AHI1: variants seen among roughly 807,000 people sequenced by gnomAD.
AHI1 encodes jouberin.
Under a neutral mutation model 149.3 loss-of-function variants are expected in AHI1, and 123 were observed. The ratio of observed to expected loss-of-function variants is 0.82; its 90% CI spans 0.71 to 0.96. The LOEUF is 0.96. Ranked by LOEUF, AHI1 falls within the 40% of genes least tolerant of loss-of-function variation. AHI1 has a pLI of 0.00. For missense variants in AHI1, 1,439 were observed against 1,422.7 expected (o/e 1.01, Z -0.18); for synonymous variants, 475 against 459.8 (o/e 1.03, Z -0.42).
chr6:135,379,498 T>C (rs1182289152), intron 23 of AHI1, among the ~76,000 whole-genome samples: 1 of 152,230 alleles, frequency 6.6e-6, no homozygotes, highest in Non-Finnish European at 1.5e-5. Context: ...TATGAGGCCT[T>C]ATTGTCTTCT....
In AHI1 at chr6:135,285,661, T is replaced by C. The variant is rs1274005225; in HGVS notation, c.3589-14A>G. The stretch of plus-strand genomic sequence containing the variant: ...TTCAATTCTTTACTGGAAAGAAAAA[T>C]ACACAAAATGTACTAAATAAACTTG... On this transcript the variant is annotated splice_polypyrimidine_tract_variant and intron_variant, in intron 28 of 28. Transcript: ENST00000265602. 3 of 1,599,404 alleles carry C rather than the reference T, an allele frequency of 1.9e-6. No individual in the cohort carries two copies. The highest frequency in any genetic ancestry group is 2.7e-5 in the African/African-American group (2 of 74,752).
chr6:135,391,004 G>A (rs936429130), intron 23 of AHI1, among the ~76,000 whole-genome samples: 11 of 152,140 alleles, frequency 7.2e-5, no homozygotes, highest in African/African-American at 2.4e-4. Flanking sequence ...TGTTAAAATT[G>A]TAATTTTTTT....
intron 23 of AHI1, among the ~76,000 whole-genome samples, chr6:135,363,683 C>CT (rs1272871854): frequency 7.4e-5 from 11 of 149,212 alleles, no homozygotes; most frequent in Admixed American, 1.3e-4. Flanking sequence ...GGGGGCTGAC[C>CT]CCCCCACCTC....
In AHI1 at chr6:135,300,338, AAAG is replaced by A. The variant is rs1406083848; in HGVS notation, c.3485+159_3485+161del. Among the ~76,000 whole-genome samples the A allele has an allele frequency of 0.029, 4,381 of 149,008 alleles. 238 individuals carry two copies. Among genetic ancestry groups the A allele is most frequent in the African/African-American group, 0.1 (3,939 of 38,668 alleles). On this transcript the variant is annotated intron_variant, in intron 27 of 28. Coordinates refer to ENST00000265602, the MANE Select transcript of AHI1 (RefSeq NM_001134831.2). ...AGACTCTGTCTCCAAAAAAAAAAAA[AAAG>A]AAAAAAAAATCGTAAACAAGCTAAA...
At position 135,354,473 on chromosome 6, in the gene AHI1, G is replaced by A. The variant is rs563495711; in HGVS notation, c.3165+3659C>T. On this transcript the variant is annotated intron_variant, in intron 24 of 28. Transcript: ENST00000265602. ...CAAGCATATGACTGTACACTGAAAG[G>A]TAGATATGTTTTAACTATGTTCCAG... Among the ~76,000 whole-genome samples, 14 of 152,250 alleles carry A rather than the reference G, an allele frequency of 9.2e-5. No homozygotes were observed. The East Asian group carries it at 2.5e-3, about 27-fold the overall frequency.
At chr6:135,456,726 T>C in intron 9 of AHI1, among the ~76,000 whole-genome samples, 1 of 152,154 alleles carries the variant, frequency 6.6e-6, no homozygotes, top group Middle Eastern at 3.2e-3. Context: ...TTTAAAAAAT[T>C]CTAGTATAAA....
At chr6:135,472,018 C>CAAAAAAAAAAAGAAAAAAAAAAAAAAAAA (rs1791808435) in intron 5 of AHI1, among the ~76,000 whole-genome samples, 1 of 54,418 alleles carries the variant, frequency 1.8e-5, no homozygotes, top group African/African-American at 7.7e-5. Flanking sequence ...GACTCCGTCT[C>CAAAAAAAAAAAGAAAAAAAAAAAAAAAAA]AAAAAAAAAA....
intron 24 of AHI1, among the ~76,000 whole-genome samples, chr6:135,335,757 A>T (rs1174230658): frequency 2.0e-5 from 3 of 152,230 alleles, no homozygotes; most frequent in Non-Finnish European, 4.4e-5. Context: ...AATGAGAATA[A>T]ATCCAAGTAT....
chr6:135,400,027 T>C (rs771875033), intron 22 of AHI1, among the ~76,000 whole-genome samples: 1 of 152,130 alleles, frequency 6.6e-6, no homozygotes, highest in Non-Finnish European at 1.5e-5. Context: ...ATAGTTATCT[T>C]TTCTGCTCCT....
At chr6:135,417,823 A>T (rs1782603442) in intron 20 of AHI1, among the ~76,000 whole-genome samples, 1 of 152,048 alleles carries the variant, frequency 6.6e-6, no homozygotes, top group African/African-American at 2.4e-5. Flanking sequence ...GCCGTTCAGA[A>T]GTTCTTCTGC....
intron 24 of AHI1, among the ~76,000 whole-genome samples, chr6:135,345,417 C>A (rs905038210): frequency 6.6e-6 from 1 of 152,094 alleles, no homozygotes; most frequent in Non-Finnish European, 1.5e-5. Flanking sequence ...ATGGAAACAA[C>A]CCAAATGTCC....
chr6:135,354,558 T>G (rs1224597765), intron 24 of AHI1, among the ~76,000 whole-genome samples: 1 of 152,166 alleles, frequency 6.6e-6, no homozygotes, highest in Non-Finnish European at 1.5e-5. Flanking sequence ...AGTCCTTCAT[T>G]TAAAGTAAAT....
At chr6:135,482,894 C>CTTTTTTTTTTTTTTTTTT (rs761997683) in intron 5 of AHI1, among the ~76,000 whole-genome samples, 3,495 of 55,708 alleles carry the variant, frequency 0.063, 1,487 homozygotes, top group Middle Eastern at 0.21. Flanking sequence ...CCATTTAAGG[C>CTTTTTTTTTTTTTTTTTT]TTTTTTTTTT....
chr6:135,389,958 T>C (rs574775827), intron 23 of AHI1, among the ~76,000 whole-genome samples: 1 of 152,296 alleles, frequency 6.6e-6, no homozygotes, highest in East Asian at 1.9e-4. Flanking sequence ...TGACTTTGAA[T>C]GTGGCTCAAC....
chr6:135,433,078 G>A lies in AHI1; in HGVS notation c.2215C>T (p.Gln739Ter), dbSNP rs781671997. 6.2e-7 allele frequency: 1 copy of A among 1,613,656 alleles called. No homozygotes were observed. The highest frequency in any genetic ancestry group is 1.1e-5 in the South Asian group (1 of 91,080). Residue 739 changes from glutamine to a stop codon, truncating the protein, a stop_gained, in exon 16 of 29, where the codon CAG (glutamine) becomes TAG (stop). Transcript: ENST00000265602. LOFTEE classifies it high-confidence loss of function. ...MREDSAILVR[Q>*]FDVHKSFINS... The stretch of plus-strand genomic sequence containing the variant: ...ATAAAACTTTTGTGAACATCAAACT[G>A]TCGGACCAATATGGCAGAATCTTCT...
chr6:135,431,267 T>C lies in AHI1; in HGVS notation c.2314A>G (p.Asn772Asp), dbSNP rs767095552. 1 of 1,609,606 alleles carries C rather than the reference T, an allele frequency of 6.2e-7. No homozygotes were observed. The highest frequency in any genetic ancestry group is 8.5e-7 in the Non-Finnish European group (1 of 1,177,360). ...GDCTGVIVVW[N>D]TYVKINDLEH... is the part of the protein sequence containing the mutation. The stretch of plus-strand genomic sequence containing the variant: ...AAATCATTAATCTTGACATAGGTAT[T>C]CCAAACAACAATCACCCCTGTACAA... Residue 772 changes from asparagine (N) to aspartate (D), a missense_variant, in exon 17 of 29, where the codon AAT becomes GAT. Physicochemically the swap from Asn to Asp is conservative, Grantham distance 23. Transcript: ENST00000265602.
intron 5 of AHI1, among the ~76,000 whole-genome samples, chr6:135,475,374 A>G (rs1792435791): frequency 6.6e-6 from 1 of 152,226 alleles, no homozygotes; most frequent in Non-Finnish European, 1.5e-5. Flanking sequence ...TGCAAATCCC[A>G]AGAAGGGCAT....
intron 23 of AHI1, among the ~76,000 whole-genome samples, chr6:135,390,734 G>A (rs1778370323): frequency 6.6e-6 from 1 of 152,144 alleles, no homozygotes; most frequent in Admixed American, 6.5e-5. Context: ...AAGTTTTGAG[G>A]TCCCAGAAGC....
intron 27 of AHI1, 85 bp from the exon 28 acceptor site, chr6:135,290,610 G>T: frequency 7.1e-7 from 1 of 1,414,774 alleles, no homozygotes; most frequent in Non-Finnish European, 9.9e-7. Context: ...CTAGGGCCGT[G>T]GCAGTGGAAA....
Sources: gnomAD v4.1 joint callset for allele counts (sites outside exome capture counted in the v4.1 genomes callset) on GRCh38, gnomAD v4.1.1 for gene constraint, MANE v1.5 for transcripts, NCBI Gene and HGNC (gene_info 2026-07-23, HGNC 2026-07-21) for gene names.